Variants in CDIN1 observed in about 807,000 individuals in gnomAD.
The protein encoded by CDIN1 is CDAN1 interacting nuclease 1.
A neutral mutation model predicts 45.3 loss-of-function variants in CDIN1; 33 were observed. The ratio of observed to expected loss-of-function variants is 0.73; its 90% CI spans 0.55 to 0.97. The LOEUF (loss-of-function observed/expected upper bound fraction) is 0.97, where lower values mean the gene tolerates loss of function less well. Ranked by LOEUF, CDIN1 falls within the 50% of genes least tolerant of loss-of-function variation. The pLI, the probability that CDIN1 is intolerant of heterozygous loss-of-function variation, is 0.00. For missense variants in CDIN1, 303 were observed against 339.4 expected (o/e 0.89, Z 0.84); for synonymous variants, 118 against 124.4 (o/e 0.95, Z 0.34).
rs774992615 is a variant in CDIN1, at chr15:36,579,893, A to G, written c.33A>G (p.Ile11Met). The G allele has an allele frequency of 6.8e-6, 11 of 1,613,986 alleles. No individual in the cohort carries two copies. Among genetic ancestry groups the G allele is most frequent in the Non-Finnish European group, 9.3e-6 (11 of 1,179,884 alleles). The change falls in exon 1 of 11, where the codon ATA becomes ATG. Residue 11 changes from isoleucine to methionine, a missense_variant. By Grantham distance (10) the Ile-to-Met change is conservative. Transcript: ENST00000566621. Reference sequence around the variant, plus strand: ...TGACCAAAGCTCAGTACGACGAGATAGCCCAGTGCCTAGTGTCTGTGCCGC... The same window carrying G: ...TGACCAAAGCTCAGTACGACGAGATGGCCCAGTGCCTAGTGTCTGTGCCGC... MILTKAQYDE[I>M]AQCLVSVPPT...
chr15:36,704,538 C>T (rs1298271272), intron 8 of CDIN1: 1 of 146,918 alleles, frequency 6.8e-6, no homozygotes, highest in Non-Finnish European at 1.5e-5. Context: ...GAATGAAGGT[C>T]ATAACTCCAA....
At chr15:36,604,932 T>G (rs2038291102) in intron 1 of CDIN1, among the ~76,000 whole-genome samples, 1 of 152,150 alleles carries the variant, frequency 6.6e-6, no homozygotes, top group African/African-American at 2.4e-5. Context: ...AAGATTCACA[T>G]GGTTTAAAGA....
In CDIN1 at chr15:36,621,780, T is replaced by C. The variant is rs527910248; in HGVS notation, c.102-22498T>C. On this transcript the variant is annotated intron_variant, in intron 1 of 10. Coordinates refer to ENST00000566621, the MANE Select transcript of CDIN1 (RefSeq NM_001321759.2). The stretch of plus-strand genomic sequence containing the variant: ...CCTTTTAGATGGGCAAATTCCTTGG[T>C]GCTAGCCATTCAAAATTGTGTGAAG... 2.0e-5 allele frequency among the ~76,000 whole-genome samples: 3 copies of C among 152,254 alleles called. No individual in the cohort carries two copies. In the East Asian group the frequency reaches 5.8e-4, roughly 29 times the overall value.
chr15:36,705,766 G>A (rs1044494743), intron 8 of CDIN1: 5 of 152,034 alleles, frequency 3.3e-5, no homozygotes, highest in Admixed American at 3.3e-4. Flanking sequence ...AATATATTGG[G>A]TTTTTAAATA....
intron 10 of CDIN1, among the ~76,000 whole-genome samples, chr15:36,735,551 ATATGTGCATATATATGCATAT>A (rs1350335581): frequency 1.3e-5 from 2 of 152,240 alleles, no homozygotes; most frequent in East Asian, 3.9e-4. Flanking sequence ...AAAGACATAC[ATATGTGCATATATATGCATAT>A]TATGTGATCA....
chr15:36,608,869 G>A (rs999738086), intron 1 of CDIN1, among the ~76,000 whole-genome samples: 1 of 151,674 alleles, frequency 6.6e-6, no homozygotes, highest in Non-Finnish European at 1.5e-5. Flanking sequence ...TAAAAGTTAG[G>A]CATGCTTTTA....
chr15:36,805,464 C>T (rs2055197936), intron 10 of CDIN1, among the ~76,000 whole-genome samples: 1 of 152,068 alleles, frequency 6.6e-6, no homozygotes, highest in Admixed American at 6.5e-5. Context: ...ATTTGCCTTC[C>T]CAGTGATCTC....
rs771030329 is a variant in CDIN1, at chr15:36,709,204, G to C, written c.545-19G>C. 17 of 1,583,494 alleles carry C rather than the reference G, an allele frequency of 1.1e-5. No homozygotes were observed. The African/African-American group carries it at 2.3e-4, about 21-fold the overall frequency. On this transcript the variant is annotated intron_variant, in intron 8 of 10. Coordinates refer to ENST00000566621, the MANE Select transcript of CDIN1 (RefSeq NM_001321759.2). ...AATTGAATAGTGTTTTAAGTAAATAGTGTTTGTTCTTCCTGTAGATGAAGA... is the reference window on the plus strand; with the variant it reads ...AATTGAATAGTGTTTTAAGTAAATACTGTTTGTTCTTCCTGTAGATGAAGA...
At chr15:36,609,004 GA>G (rs1347905871) in intron 1 of CDIN1, among the ~76,000 whole-genome samples, 2 of 150,736 alleles carry the variant, frequency 1.3e-5, no homozygotes, top group African/African-American at 5.0e-5. Flanking sequence ...TAGATAGATA[GA>G]TAGATAGATA....
At chr15:36,633,008 A>T (rs1028446448) in intron 1 of CDIN1, among the ~76,000 whole-genome samples, 1 of 152,246 alleles carries the variant, frequency 6.6e-6, no homozygotes, top group Non-Finnish European at 1.5e-5. Flanking sequence ...TAAGACTCTC[A>T]TTAAATCAGA....
intron 1 of CDIN1, among the ~76,000 whole-genome samples, chr15:36,584,612 G>A (rs2037206386): frequency 6.6e-6 from 1 of 151,822 alleles, no homozygotes; most frequent in Non-Finnish European, 1.5e-5. Flanking sequence ...TTACCAACCC[G>A]CTTATTCCAG....
intron 1 of CDIN1, among the ~76,000 whole-genome samples, chr15:36,592,284 G>A (rs1420766435): frequency 6.6e-6 from 1 of 152,050 alleles, no homozygotes; most frequent in Non-Finnish European, 1.5e-5. Flanking sequence ...TCTACAAACC[G>A]CGACCTCACA....
At chr15:36,694,311 A>G (rs767548444) in intron 7 of CDIN1, among the ~76,000 whole-genome samples, 2 of 152,206 alleles carry the variant, frequency 1.3e-5, no homozygotes, top group Non-Finnish European at 2.9e-5. Flanking sequence ...CTGAATAAAA[A>G]TTATTGTTTT....
At chr15:36,666,729 C>G (rs1022547773) in intron 5 of CDIN1, among the ~76,000 whole-genome samples, 4 of 152,088 alleles carry the variant, frequency 2.6e-5, no homozygotes, top group Non-Finnish European at 5.9e-5. Flanking sequence ...TTTCTTGGTT[C>G]CCATTATGTT....
chr15:36,758,422 T>C (rs2053667519), intron 10 of CDIN1, among the ~76,000 whole-genome samples: 1 of 152,174 alleles, frequency 6.6e-6, no homozygotes, highest in South Asian at 2.1e-4. Flanking sequence ...GACGAGCCAC[T>C]TTGCCTCTCT....
At chr15:36,623,226 TTTC>T (rs1157335786) in intron 1 of CDIN1, among the ~76,000 whole-genome samples, 1 of 152,164 alleles carries the variant, frequency 6.6e-6, no homozygotes, top group East Asian at 1.9e-4. Flanking sequence ...TGAATTTTTA[TTTC>T]TTATGTAAAT....
At chr15:36,633,139 T>C (rs1055267395) in intron 1 of CDIN1, among the ~76,000 whole-genome samples, 3 of 152,190 alleles carry the variant, frequency 2.0e-5, no homozygotes, top group Non-Finnish European at 2.9e-5. Flanking sequence ...TTATAAAATA[T>C]AGCACAAATA....
intron 1 of CDIN1, among the ~76,000 whole-genome samples, chr15:36,612,944 T>A (rs1051526669): frequency 6.6e-6 from 1 of 152,254 alleles, no homozygotes; most frequent in Non-Finnish European, 1.5e-5. Flanking sequence ...GCTTGAATTT[T>A]GTGATATTGT....
chr15:36,743,740 T>C (rs930995231), intron 10 of CDIN1, among the ~76,000 whole-genome samples: 1 of 151,714 alleles, frequency 6.6e-6, no homozygotes, highest in Admixed American at 6.6e-5. Flanking sequence ...AATAATAATA[T>C]TAACTGAGCA....
Sources: gnomAD v4.1 joint callset for allele counts (sites outside exome capture counted in the v4.1 genomes callset) on GRCh38, gnomAD v4.1.1 for gene constraint, MANE v1.5 for transcripts, NCBI Gene and HGNC (gene_info 2026-07-23, HGNC 2026-07-21) for gene names.